The following ASTN2 variants were observed in gnomAD, a reference collection of about 807,000 sequenced individuals.
ASTN2 encodes the protein astrotactin 2.
A neutral mutation model predicts 139.8 loss-of-function variants in ASTN2; 54 were observed. The ratio of observed to expected loss-of-function variants is 0.39; its 90% CI spans 0.31 to 0.48. The LOEUF is 0.48. ASTN2 is among the 20% of genes least tolerant of loss of function. The pLI is 0.95. For missense variants in ASTN2, 1,565 were observed against 1,725.1 expected (o/e 0.91, Z 1.64); for synonymous variants, 756 against 719.5 (o/e 1.05, Z -0.81).
At chr9:116,641,159 T>A (rs570803654) in intron 17 of ASTN2, among the ~76,000 whole-genome samples, 3 of 152,354 alleles carry the variant, frequency 2.0e-5, no homozygotes, top group African/African-American at 7.2e-5. Context: ...AATCCTAGAA[T>A]GAATCGAAGT....
chr9:116,517,453 G>A (rs1288841087), intron 19 of ASTN2, among the ~76,000 whole-genome samples: 2 of 152,162 alleles, frequency 1.3e-5, no homozygotes, highest in East Asian at 3.9e-4. Context: ...CTAGGGAAGG[G>A]GGAGAACACC....
chr9:116,977,749 C>T (rs1044778734), intron 7 of ASTN2, among the ~76,000 whole-genome samples: 1 of 144,406 alleles, frequency 6.9e-6, no homozygotes, highest in Non-Finnish European at 1.5e-5. Context: ...GAGAGTCTCA[C>T]TCCATCACCC....
At chr9:116,725,426 G>A (rs909392286) in intron 16 of ASTN2, among the ~76,000 whole-genome samples, 2 of 151,960 alleles carry the variant, frequency 1.3e-5, no homozygotes, top group African/African-American at 4.8e-5. Context: ...GTGTCAAGAA[G>A]ACACCACTTG....
chr9:117,223,004 G>A (rs538815089), intron 2 of ASTN2, among the ~76,000 whole-genome samples: 5 of 152,288 alleles, frequency 3.3e-5, no homozygotes, highest in African/African-American at 7.2e-5. Context: ...TATCTCAGAA[G>A]GGAGCAGCTG....
At chr9:116,529,563 A>G (rs1407203715) in intron 19 of ASTN2, among the ~76,000 whole-genome samples, 2 of 152,062 alleles carry the variant, frequency 1.3e-5, no homozygotes, top group Non-Finnish European at 2.9e-5. Context: ...TTGAAATGTG[A>G]GAAGGACATG....
chr9:117,327,468 T>C (rs942186957), intron 1 of ASTN2, among the ~76,000 whole-genome samples: 3 of 152,162 alleles, frequency 2.0e-5, no homozygotes, highest in African/African-American at 4.8e-5. Context: ...ATAGGGTTTA[T>C]GTTCAAGGAG....
At position 116,788,336 on chromosome 9, in the gene ASTN2, C is replaced by T. The variant is rs188106609; in HGVS notation, c.2396+17296G>A. On this transcript the variant is annotated intron_variant, in intron 13 of 22. Transcript: ENST00000313400. ...GCTTTGAAAAGTTTTTTAATATTCT[C>T]ATCACAAAAAGTATGTGAGATGATG... Among the ~76,000 whole-genome samples the T allele has an allele frequency of 3.3e-5, 5 of 152,268 alleles. No individual in the cohort carries two copies. In the East Asian group the frequency reaches 9.6e-4, roughly 29 times the overall value.
intron 17 of ASTN2, among the ~76,000 whole-genome samples, chr9:116,627,241 G>T (rs1446030371): frequency 6.6e-6 from 1 of 152,160 alleles, no homozygotes; most frequent in Non-Finnish European, 1.5e-5. Context: ...GCCTGGAAAA[G>T]GTAGCAACTA....
At chr9:116,449,663 T>C (rs373830005) in intron 20 of ASTN2, among the ~76,000 whole-genome samples, 2 of 152,124 alleles carry the variant, frequency 1.3e-5, no homozygotes, top group East Asian at 3.9e-4. Flanking sequence ...TAGAGCAAAA[T>C]GGAAGGGATG....
At chr9:117,102,724 G>T (rs1053664020) in intron 4 of ASTN2, among the ~76,000 whole-genome samples, 1 of 151,992 alleles carries the variant, frequency 6.6e-6, no homozygotes, top group African/African-American at 2.4e-5. Flanking sequence ...GATTCACCGT[G>T]TTGGCCAGGC....
At chr9:116,676,287 T>C (rs1458109059) in intron 16 of ASTN2, among the ~76,000 whole-genome samples, 1 of 152,134 alleles carries the variant, frequency 6.6e-6, no homozygotes, top group Non-Finnish European at 1.5e-5. Context: ...CCTGCAAGGG[T>C]TTGATTAATA....
At chr9:116,729,744 G>A (rs142194687) in intron 14 of ASTN2, among the ~76,000 whole-genome samples, 64 of 152,242 alleles carry the variant, frequency 4.2e-4, no homozygotes, top group African/African-American at 1.3e-3. Flanking sequence ...TAAAATATAC[G>A]TATACAGAAA....
At chr9:117,388,409 G>A (rs1198824654) in intron 1 of ASTN2, among the ~76,000 whole-genome samples, 4 of 152,156 alleles carry the variant, frequency 2.6e-5, no homozygotes, top group African/African-American at 4.8e-5. Flanking sequence ...GTGAGGTCAT[G>A]GGAGTGAGGA....
At chr9:116,657,461 G>A (rs543896921) in intron 16 of ASTN2, among the ~76,000 whole-genome samples, 8 of 152,276 alleles carry the variant, frequency 5.3e-5, no homozygotes, top group Admixed American at 4.6e-4. Context: ...AAATTCCCAA[G>A]TCATGCCCCT....
chr9:117,403,015 G>C (rs1564186762), intron 1 of ASTN2, among the ~76,000 whole-genome samples: 1 of 152,182 alleles, frequency 6.6e-6, no homozygotes, highest in African/African-American at 2.4e-5. Flanking sequence ...CTAGAGCCTC[G>C]AGGGAGGAAA....
Position 116,698,279 on chromosome 9 carries a change from A to G in ASTN2, c.2806+27492T>C. 2 of 1,614,146 alleles carry G rather than the reference A, an allele frequency of 1.2e-6. No individual in the cohort carries two copies. Among genetic ancestry groups the G allele is most frequent in the East Asian group, 4.5e-5 (2 of 44,872 alleles). Reference sequence around the variant, plus strand: ...AAGGTGTCTCCAAGGACCTTCAGGCAAGGTATAAAGCAGTTCTCCAGGAGT... The same window carrying G: ...AAGGTGTCTCCAAGGACCTTCAGGCGAGGTATAAAGCAGTTCTCCAGGAGT... On this transcript the variant is annotated intron_variant, in intron 16 of 22. Transcript: ENST00000313400. This position sits in a 1 kb window ranked among gnomAD's most constrained non-coding sequence, Gnocchi z 4.4.
intron 19 of ASTN2, among the ~76,000 whole-genome samples, chr9:116,603,832 G>A (rs1855042242): frequency 6.6e-6 from 1 of 152,212 alleles, no homozygotes; most frequent in Non-Finnish European, 1.5e-5. Flanking sequence ...CTAAGGACAA[G>A]AATGGCAACA....
intron 10 of ASTN2, among the ~76,000 whole-genome samples, chr9:116,931,349 C>A (rs1834892148): frequency 6.6e-6 from 1 of 152,148 alleles, no homozygotes; most frequent in Admixed American, 6.5e-5. Flanking sequence ...GCTAGAACAT[C>A]CCTGTCACAG....
intron 10 of ASTN2, among the ~76,000 whole-genome samples, chr9:116,913,477 C>T (rs1468201767): frequency 1.3e-5 from 2 of 152,112 alleles, no homozygotes; most frequent in Non-Finnish European, 2.9e-5. Flanking sequence ...CCCATGAAAC[C>T]CCGCTGGCTT....
Sources: allele counts gnomAD v4.1 joint callset (sites outside exome capture counted in the v4.1 genomes callset), GRCh38; gene constraint gnomAD v4.1.1; non-coding constraint Gnocchi (gnomAD v3.1); transcripts MANE v1.5; gene names NCBI Gene and HGNC (gene_info 2026-07-23, HGNC 2026-07-21).